The following DIAPH2 variants were observed in gnomAD, a reference collection of about 807,000 sequenced individuals.
The protein encoded by DIAPH2 is diaphanous related formin 2, also known as protein diaphanous homolog 2.
Under a neutral mutation model 92.7 loss-of-function variants are expected in DIAPH2, and 35 were observed. The observed-to-expected ratio is 0.38, with a 90% confidence interval of 0.29 to 0.50. The LOEUF is 0.50. DIAPH2 is among the 20% of genes least tolerant of loss of function. DIAPH2 has a pLI of 0.94. For missense variants in DIAPH2, 701 were observed against 819.5 expected (o/e 0.86, Z 1.77); for synonymous variants, 301 against 280.4 (o/e 1.07, Z -0.73).
At chrX:97,391,710 A>C (rs1193678608) in intron 25 of DIAPH2, among the ~76,000 whole-genome samples, 1 of 111,674 alleles carries the variant, frequency 9.0e-6, no homozygotes, top group Non-Finnish European at 1.9e-5. Flanking sequence ...TAGTAGATGT[A>C]ACTTAGCAAA....
chrX:96,805,657 C>T (rs927084373), intron 4 of DIAPH2, among the ~76,000 whole-genome samples: 2 of 110,921 alleles, frequency 1.8e-5, no homozygotes, highest in African/African-American at 6.6e-5. Flanking sequence ...CATGCTGCCA[C>T]GGGGTGGAGT....
Position 97,599,392 on chromosome X carries a change from C to A in DIAPH2, c.*75C>A. On this transcript the variant is annotated 3_prime_UTR_variant, in exon 27 of 27. Coordinates refer to ENST00000324765, the MANE Select transcript of DIAPH2 (RefSeq NM_006729.5). ...CATTTTGAGAAGAACAAAGTGTGCA[C>A]TCAGCGGCTGGAAAGGAAATAAGTG... 1.4e-6 allele frequency: 1 copy of A among 725,808 alleles called. No individual in the cohort carries two copies. The highest frequency in any genetic ancestry group is 2.0e-6 in the Non-Finnish European group (1 of 492,107). The allele number at this position is 725,808 out of a possible 1,213,427, so 59.8% of individuals were successfully genotyped here.
At chrX:96,980,283 C>G (rs891840288) in intron 17 of DIAPH2, among the ~76,000 whole-genome samples, 2 of 111,076 alleles carry the variant, frequency 1.8e-5, no homozygotes, top group African/African-American at 6.5e-5. Context: ...GGAAGGAAAG[C>G]TGGGAAAGGG....
chrX:97,131,930 T>C (rs1214004480), intron 21 of DIAPH2, among the ~76,000 whole-genome samples: 2 of 111,568 alleles, frequency 1.8e-5, no homozygotes, highest in Non-Finnish European at 3.8e-5. Context: ...TGCAGGCTAA[T>C]GCACATGCAG....
intron 21 of DIAPH2, among the ~76,000 whole-genome samples, chrX:97,119,817 A>C (rs927135514): frequency 9.0e-6 from 1 of 111,224 alleles, no homozygotes; most frequent in Non-Finnish European, 1.9e-5. Context: ...GGTTGTCAGG[A>C]AAGTGGGGGA....
In DIAPH2 at chrX:96,964,676, C is replaced by T. The variant is rs1224474699; in HGVS notation, c.1936-417C>T. On this transcript the variant is annotated intron_variant, in intron 16 of 26. Coordinates refer to ENST00000324765, the MANE Select transcript of DIAPH2 (RefSeq NM_006729.5). ...TAACTTAAGACAGTACCTGACACAA[C>T]GTAGGAGGCGTGTGTCAGCTATCAT... Among the ~76,000 whole-genome samples, 5 of 111,307 alleles carry T rather than the reference C, an allele frequency of 4.5e-5. No homozygotes were observed. The East Asian group carries it at 1.4e-3, about 31-fold the overall frequency.
intron 4 of DIAPH2, among the ~76,000 whole-genome samples, chrX:96,825,414 C>A (rs1166409909): frequency 1.2e-4 from 11 of 93,211 alleles, no homozygotes; most frequent in Admixed American, 3.7e-4. Context: ...TAAGTTGATA[C>A]TATGTATATC....
chrX:97,562,559 T>C (rs1466141104), intron 26 of DIAPH2, among the ~76,000 whole-genome samples: 1 of 109,940 alleles, frequency 9.1e-6, no homozygotes, highest in African/African-American at 3.3e-5. Context: ...AGAAAGGCCA[T>C]GTGACTTACT....
chrX:97,178,478 A>T (rs1263401134), intron 22 of DIAPH2, among the ~76,000 whole-genome samples: 2 of 70,329 alleles, frequency 2.8e-5, no homozygotes, highest in Admixed American at 2.2e-4. Flanking sequence ...TTTGAGACAG[A>T]GTCTCGCTCT....
intron 24 of DIAPH2, among the ~76,000 whole-genome samples, chrX:97,382,791 G>A (rs2069562929): frequency 9.0e-6 from 1 of 111,625 alleles, no homozygotes; most frequent in Non-Finnish European, 1.9e-5. Flanking sequence ...GTGTTTTTAA[G>A]GCTATTTTAA....
intron 17 of DIAPH2, among the ~76,000 whole-genome samples, chrX:97,054,771 C>T (rs1047252251): frequency 3.6e-5 from 4 of 110,314 alleles, no homozygotes; most frequent in African/African-American, 1.3e-4. Context: ...TTATCATCTA[C>T]ATAGGGAGAA....
At chrX:96,750,275 G>T (rs1170470457) in intron 3 of DIAPH2, among the ~76,000 whole-genome samples, 1 of 110,508 alleles carries the variant, frequency 9.0e-6, no homozygotes, top group Non-Finnish European at 1.9e-5. Flanking sequence ...TGATCCGCCC[G>T]CCTTGGCCTC....
chrX:97,460,232 G>C (rs1489975727), intron 26 of DIAPH2, among the ~76,000 whole-genome samples: 3 of 111,784 alleles, frequency 2.7e-5, no homozygotes, highest in African/African-American at 9.8e-5. Context: ...ACTTAACGAG[G>C]CTCCACCTTA....
intron 17 of DIAPH2, among the ~76,000 whole-genome samples, chrX:97,046,851 A>G (rs2066487472): frequency 9.0e-6 from 1 of 111,263 alleles, no homozygotes; most frequent in South Asian, 3.9e-4. Flanking sequence ...TTGGTTCAGC[A>G]GGGTTACTTG....
rs975755280 is a variant in DIAPH2 at position 97,262,018 on chromosome X, C to CA, written c.2844+14187dup. On this transcript the variant is annotated intron_variant, in intron 23 of 26. Coordinates refer to ENST00000324765, the MANE Select transcript of DIAPH2 (RefSeq NM_006729.5). ...ATCTATTCATTCAACAAATATTTAT[C>CA]AAAAAAAAGTTTATCAGATACCTAC... Among the ~76,000 whole-genome samples, 9 of 91,683 alleles carry CA rather than the reference C, an allele frequency of 9.8e-5. No individual in the cohort carries two copies. The East Asian group carries it at 1.8e-3, about 18-fold the overall frequency. 79.6% of individuals were successfully genotyped at this position (91,683 alleles called of 115,157 possible). A position where few individuals can be genotyped will look rare whatever the true frequency, so the allele number is the denominator to read the frequency against.
At chrX:97,293,024 C>T (rs1427089583) in intron 23 of DIAPH2, among the ~76,000 whole-genome samples, 1 of 110,050 alleles carries the variant, frequency 9.1e-6, no homozygotes, top group Non-Finnish European at 1.9e-5. Flanking sequence ...TAAGCATTCC[C>T]TAATTAAATG....
chrX:97,077,700 A>G (rs1057141795), intron 19 of DIAPH2, among the ~76,000 whole-genome samples: 1 of 112,306 alleles, frequency 8.9e-6, no homozygotes, highest in African/African-American at 3.2e-5. Flanking sequence ...AACAAAAAAC[A>G]GAAAAACTTT....
chrX:97,369,151 G>A (rs964390383), intron 24 of DIAPH2, among the ~76,000 whole-genome samples: 4 of 110,241 alleles, frequency 3.6e-5, no homozygotes, highest in Admixed American at 1.9e-4. Context: ...CAGGTGATCC[G>A]CCCGCCTCAG....
At chrX:97,129,401 G>A (rs926128206) in intron 21 of DIAPH2, among the ~76,000 whole-genome samples, 9 of 109,644 alleles carry the variant, frequency 8.2e-5, no homozygotes, top group African/African-American at 2.7e-4. Context: ...TCCTGACCGC[G>A]TGATCCACCC....
Sources: gnomAD v4.1 joint callset for allele counts (sites outside exome capture counted in the v4.1 genomes callset) on GRCh38, gnomAD v4.1.1 for gene constraint, MANE v1.5 for transcripts, NCBI Gene and HGNC (gene_info 2026-07-23, HGNC 2026-07-21) for gene names.